The following EXOC6B variants were observed in gnomAD, a reference collection of about 807,000 sequenced individuals.
EXOC6B encodes the protein SEC15 homolog B.
A neutral mutation model predicts 113.5 loss-of-function variants in EXOC6B; 54 were observed. The observed-to-expected ratio is 0.48, with a 90% CI of 0.38 to 0.60. EXOC6B has a LOEUF of 0.60. EXOC6B is among the 20% of genes least tolerant of loss of function. The pLI is 0.00. For missense variants in EXOC6B, 797 were observed against 977.5 expected, an observed-to-expected ratio of 0.82 and a Z score of 2.46; for synonymous variants, 357 against 339.0, an observed-to-expected ratio of 1.05 and a Z score of -0.58.
At chr2:72,641,960 C>G (rs1303991080) in intron 6 of EXOC6B, among the ~76,000 whole-genome samples, 1 of 152,240 alleles carries the variant, frequency 6.6e-6, no homozygotes. Flanking sequence ...CGGAGTGGAC[C>G]TCCAGCAAAC....
At chr2:72,475,248 G>A (rs1698665485) in intron 17 of EXOC6B, among the ~76,000 whole-genome samples, 1 of 152,186 alleles carries the variant, frequency 6.6e-6, no homozygotes. Context: ...GATGCCAGCA[G>A]TGACAACAGT....
rs1686658610 is a variant in EXOC6B, at chr2:72,303,537, C to A, written c.2196+31410G>T. ...GCTTGGTTTTTCATCTCTATCAGAT[C>A]AGTTATATTATTTTTTATATAGGCT... On this transcript the variant is annotated intron_variant, in intron 20 of 21. Coordinates refer to ENST00000272427, the MANE Select transcript of EXOC6B (RefSeq NM_015189.3). 2.0e-5 allele frequency among the ~76,000 whole-genome samples: 3 copies of A among 152,016 alleles called. No homozygotes were observed. The South Asian group carries it at 6.2e-4, about 32-fold the overall frequency.
At chr2:72,258,895 A>G (rs1683525822) in intron 20 of EXOC6B, among the ~76,000 whole-genome samples, 2 of 152,162 alleles carry the variant, frequency 1.3e-5, no homozygotes, top group African/African-American at 4.8e-5. Flanking sequence ...GTGAACATCC[A>G]TACACTCACC....
intron 6 of EXOC6B, among the ~76,000 whole-genome samples, chr2:72,662,112 G>A (rs887107510): frequency 2.3e-5 from 3 of 130,862 alleles, no homozygotes; most frequent in Middle Eastern, 4.1e-3. Flanking sequence ...AGGAGAGAAG[G>A]GGGGAGGGGG....
At chr2:72,295,730 ACT>A (rs749533012) in intron 20 of EXOC6B, among the ~76,000 whole-genome samples, 2 of 152,082 alleles carry the variant, frequency 1.3e-5, no homozygotes, top group Non-Finnish European at 2.9e-5. Context: ...AGAAAAGGTG[ACT>A]CTGCTGAGTT....
At chr2:72,514,179 G>A (rs1476595849) in intron 10 of EXOC6B, among the ~76,000 whole-genome samples, 3 of 151,976 alleles carry the variant, frequency 2.0e-5, no homozygotes, top group Non-Finnish European at 4.4e-5. Flanking sequence ...CATCATTTAC[G>A]TATCATCTAT....
chr2:72,741,273 G>T, intron 2 of EXOC6B, 31 bp downstream of exon 2: 1 of 1,591,996 alleles, frequency 6.3e-7, no homozygotes, highest in Non-Finnish European at 8.5e-7. Flanking sequence ...AACACAGGAC[G>T]GAGAAACAGT....
At chr2:72,552,198 A>G (rs1389883945) in intron 8 of EXOC6B, among the ~76,000 whole-genome samples, 4 of 152,138 alleles carry the variant, frequency 2.6e-5, no homozygotes, top group African/African-American at 9.7e-5. Flanking sequence ...TATTTGAGGG[A>G]AAAAAATTCA....
At chr2:72,361,926 T>C (rs1024163699) in intron 19 of EXOC6B, among the ~76,000 whole-genome samples, 2 of 152,212 alleles carry the variant, frequency 1.3e-5, no homozygotes, top group Admixed American at 6.5e-5. Flanking sequence ...GGAGGTTAAG[T>C]AGTAAATGCT....
chr2:72,331,676 C>A (rs921315077), intron 20 of EXOC6B, among the ~76,000 whole-genome samples: 2 of 152,058 alleles, frequency 1.3e-5, no homozygotes, highest in Non-Finnish European at 2.9e-5. Flanking sequence ...TTGATTTGTA[C>A]TATCTAATTC....
At chr2:72,707,776 A>G (rs1678985184) in intron 6 of EXOC6B, among the ~76,000 whole-genome samples, 1 of 152,164 alleles carries the variant, frequency 6.6e-6, no homozygotes. Context: ...CTTGAATACC[A>G]TAATGCCTAC....
intron 6 of EXOC6B, among the ~76,000 whole-genome samples, chr2:72,635,205 A>T (rs934040389): frequency 6.6e-6 from 1 of 152,146 alleles, no homozygotes; most frequent in African/African-American, 2.4e-5. Flanking sequence ...GAAGAAAATC[A>T]TAAGGACAAA....
chr2:72,390,970 T>C (rs1301985645), intron 18 of EXOC6B, among the ~76,000 whole-genome samples: 2 of 152,216 alleles, frequency 1.3e-5, no homozygotes, highest in African/African-American at 2.4e-5. Flanking sequence ...CAAAACTCTT[T>C]TTCATTTCCA....
At chr2:72,321,075 C>T (rs1332471106) in intron 20 of EXOC6B, among the ~76,000 whole-genome samples, 1 of 152,072 alleles carries the variant, frequency 6.6e-6, no homozygotes, top group African/African-American at 2.4e-5. Context: ...GAAAAAAATA[C>T]TGACAATACT....
chr2:72,529,772 A>C (rs1701904819), intron 8 of EXOC6B, among the ~76,000 whole-genome samples: 1 of 152,112 alleles, frequency 6.6e-6, no homozygotes, highest in African/African-American at 2.4e-5. Flanking sequence ...CCTAGAGGGA[A>C]GTTTTTAAAT....
At chr2:72,445,252 A>G (rs1385777523) in intron 18 of EXOC6B, among the ~76,000 whole-genome samples, 12 of 152,274 alleles carry the variant, frequency 7.9e-5, no homozygotes, top group Admixed American at 7.2e-4. Flanking sequence ...TCCATTTGAG[A>G]CCACCTCAGC....
At chr2:72,221,383 A>G (rs978930803) in intron 20 of EXOC6B, among the ~76,000 whole-genome samples, 1 of 152,098 alleles carries the variant, frequency 6.6e-6, no homozygotes, top group African/African-American at 2.4e-5. Flanking sequence ...AGCTATTCTC[A>G]CAGATATCCG....
At chr2:72,637,204 C>A (rs144735525) in intron 6 of EXOC6B, among the ~76,000 whole-genome samples, 1 of 151,870 alleles carries the variant, frequency 6.6e-6, no homozygotes, top group African/African-American at 2.4e-5. Context: ...TCATGAATTG[C>A]GAGACTAAAT....
At chr2:72,454,581 C>A (rs10496184) in intron 18 of EXOC6B, among the ~76,000 whole-genome samples, 19,669 of 152,044 alleles carry the variant, frequency 0.13, 1,418 homozygotes, top group African/African-American at 0.19. Flanking sequence ...TGGAATTTTG[C>A]AGTATGTTAA....
Sources: gnomAD v4.1 joint callset for allele counts (sites outside exome capture counted in the v4.1 genomes callset) on GRCh38, gnomAD v4.1.1 for gene constraint, MANE v1.5 for transcripts, NCBI Gene and HGNC (gene_info 2026-07-23, HGNC 2026-07-21) for gene names.